The following AFAP1L1 variants were observed in gnomAD, a reference collection of about 807,000 sequenced individuals.
AFAP1L1 encodes actin filament-associated protein 1-like 1.
In AFAP1L1, 77 loss-of-function variants were observed where a neutral mutation model predicts 99.8. The ratio of observed to expected loss-of-function variants is 0.77; its 90% confidence interval spans 0.64 to 0.93. AFAP1L1 has a LOEUF of 0.93. Ranked by LOEUF, AFAP1L1 falls within the 40% of genes least tolerant of loss-of-function variation. AFAP1L1 has a pLI of 0.00. For synonymous variants in AFAP1L1, 373 were observed against 395.3 expected (o/e 0.94, Z 0.67); for missense variants, 893 against 996.8 (o/e 0.90, Z 1.40).
intron 4 of AFAP1L1, among the ~76,000 whole-genome samples, chr5:149,302,029 G>A (rs545315570): frequency 1.3e-3 from 201 of 152,334 alleles, no homozygotes; most frequent in African/African-American, 4.7e-3. Flanking sequence ...ACTCAGCTGC[G>A]GGTGGTCCTG....
At chr5:149,298,696 T>A (rs1339343039) in intron 1 of AFAP1L1, among the ~76,000 whole-genome samples, 1 of 152,182 alleles carries the variant, frequency 6.6e-6, no homozygotes, top group African/African-American at 2.4e-5. Context: ...AAGTCCCAAG[T>A]TACTTTTCAG....
chr5:149,317,581 G>C (rs1756830783), intron 11 of AFAP1L1, 148 bp from the exon 12 acceptor site: 1 of 725,008 alleles, frequency 1.4e-6, no homozygotes, highest in Admixed American at 2.9e-5. Context: ...TCAGAGAAAT[G>C]CACACCCAAG....
At position 149,282,724 on chromosome 5, in the gene AFAP1L1, G is replaced by A. The variant is rs368465909; in HGVS notation, c.16+10740G>A. Reference sequence around the variant, plus strand: ...TAGTATCTTGTCCTTTACCGAAAAGGTTGGCCAACCCCTGGATTAGGCTGT... The same window carrying A: ...TAGTATCTTGTCCTTTACCGAAAAGATTGGCCAACCCCTGGATTAGGCTGT... On this transcript the variant is annotated intron_variant, in intron 1 of 18. Coordinates refer to ENST00000296721, the MANE Select transcript of AFAP1L1 (RefSeq NM_152406.4). 3.3e-5 allele frequency among the ~76,000 whole-genome samples: 5 copies of A among 152,290 alleles called. No individual in the cohort carries two copies. The East Asian group carries it at 9.7e-4, about 29-fold the overall frequency.
At chr5:149,335,508 G>T in intron 17 of AFAP1L1, 86 bp from the exon 18 acceptor site, 1 of 1,446,110 alleles carries the variant, frequency 6.9e-7, no homozygotes, top group South Asian at 1.4e-5. Flanking sequence ...AAATAATAAA[G>T]TGTCCTCATG....
Position 149,310,099 on chromosome 5 carries a change from A to T in AFAP1L1, c.891A>T (p.Ala297=), listed in dbSNP as rs144677131. The T allele has an allele frequency of 2.4e-5, 38 of 1,612,512 alleles. No individual in the cohort carries two copies. The highest frequency in any genetic ancestry group is 2.5e-5 in the Non-Finnish European group (29 of 1,179,218). Residue 297 remains alanine, a synonymous_variant, in exon 8 of 19, where the codon GCA becomes GCT. Coordinates refer to ENST00000296721, the MANE Select transcript of AFAP1L1 (RefSeq NM_152406.4). The stretch of plus-strand genomic sequence containing the variant: ...GGGCTACCGAGGTCTTGGTGCTGGC[A>T]CTGCAGAGCCGAGAGCAGGCCGAGG... ...TQGATEVLVL[A]LQSREQAEEW... is the part of the protein sequence containing the mutation.
chr5:149,320,700 T>C lies in AFAP1L1; in HGVS notation c.1698+237T>C, dbSNP rs1219219673. 1.3e-5 allele frequency among the ~76,000 whole-genome samples: 2 copies of C among 152,182 alleles called. No homozygotes were observed. Among genetic ancestry groups the C allele is most frequent in the Non-Finnish European group, 2.9e-5 (2 of 68,042 alleles). On this transcript the variant is annotated intron_variant, in intron 14 of 18. Transcript: ENST00000296721. This position sits in a 1 kb window ranked among gnomAD's most constrained non-coding sequence, Gnocchi z 4.0. ...GGGAGGAAGAAAGGGCTGTGCAGAC[T>C]CCCAAACACTACCAAAAGGTGAGGC...
At chr5:149,319,127 C>T (rs923819566) in intron 12 of AFAP1L1, among the ~76,000 whole-genome samples, 3 of 152,172 alleles carry the variant, frequency 2.0e-5, no homozygotes, top group Admixed American at 2.0e-4. Context: ...AGCTGACTGG[C>T]AACTTCTTGG....
intron 5 of AFAP1L1, among the ~76,000 whole-genome samples, chr5:149,305,071 T>A (rs1480772842): frequency 6.6e-6 from 1 of 152,224 alleles, no homozygotes; most frequent in Non-Finnish European, 1.5e-5. Flanking sequence ...GGGGCTGATA[T>A]CTACCTCCCT....
intron 17 of AFAP1L1, among the ~76,000 whole-genome samples, chr5:149,334,798 A>G (rs1468943031): frequency 6.6e-6 from 1 of 151,794 alleles, no homozygotes. Flanking sequence ...TGTCCCAGCT[A>G]CTCCGGAGGC....
intron 9 of AFAP1L1, 54 bp from the exon 10 acceptor site, chr5:149,315,767 T>G (rs1756772708): frequency 1.3e-6 from 2 of 1,503,370 alleles, no homozygotes; most frequent in Non-Finnish European, 1.8e-6. Flanking sequence ...AAAGGGAAAT[T>G]TGGGTACTTC....
At chr5:149,300,535 T>C (rs1308723143) in intron 3 of AFAP1L1, among the ~76,000 whole-genome samples, 181 bp downstream of exon 3, 3 of 152,166 alleles carry the variant, frequency 2.0e-5, no homozygotes, top group African/African-American at 7.2e-5. Flanking sequence ...TGCATAGGAA[T>C]AGGAATTCAG....
At chr5:149,335,526 G>T in intron 17 of AFAP1L1, 68 bp from the exon 18 acceptor site, 3 of 1,538,844 alleles carry the variant, frequency 1.9e-6, no homozygotes, top group South Asian at 1.2e-5. Context: ...ATGCTTTTGA[G>T]GGCAGGCTGG....
At chr5:149,305,609 C>A (rs1158996294) in intron 5 of AFAP1L1, among the ~76,000 whole-genome samples, 8 of 152,160 alleles carry the variant, frequency 5.3e-5, no homozygotes, top group Non-Finnish European at 8.8e-5. Flanking sequence ...AGACATCCCA[C>A]TAACCCCAGC....
intron 1 of AFAP1L1, among the ~76,000 whole-genome samples, chr5:149,291,234 G>A (rs930843404): frequency 6.6e-6 from 1 of 152,072 alleles, no homozygotes; most frequent in African/African-American, 2.4e-5. Flanking sequence ...CCTGGAAGGA[G>A]GTGTCTCTGG....
intron 16 of AFAP1L1, among the ~76,000 whole-genome samples, chr5:149,332,399 A>G (rs887511513): frequency 3.3e-5 from 5 of 152,226 alleles, no homozygotes; most frequent in African/African-American, 1.2e-4. Flanking sequence ...CCGTCTCAAA[A>G]AAAAAAGACA....
chr5:149,319,526 C>T (rs1280418653), intron 12 of AFAP1L1, 56 bp from the exon 13 acceptor site: 1 of 1,547,114 alleles, frequency 6.5e-7, no homozygotes, highest in African/African-American at 1.4e-5. Flanking sequence ...GTCAACAGGT[C>T]TCCAGGAGCC....
In AFAP1L1 at chr5:149,342,210, T is replaced by C. The variant is rs577757133; in HGVS notation, c.*2180T>C. 2.2e-4 allele frequency among the ~76,000 whole-genome samples: 34 copies of C among 152,356 alleles called. No homozygotes were observed. The highest frequency in any genetic ancestry group is 8.2e-4 in the African/African-American group (34 of 41,590). ...TTTTCCTTTTGCCCTTTAAATTAGA[T>C]AGCCAGTCCTGGTGCTAACTAACCA... On this transcript the variant is annotated 3_prime_UTR_variant, in exon 19 of 19. Transcript: ENST00000296721.
chr5:149,311,853 C>G (rs1039442969), intron 8 of AFAP1L1, among the ~76,000 whole-genome samples: 1 of 152,216 alleles, frequency 6.6e-6, no homozygotes, highest in Non-Finnish European at 1.5e-5. Context: ...GGAAGTGGCT[C>G]TTCCAAGACC....
At chr5:149,303,292 T>C (rs965315225) in intron 5 of AFAP1L1, among the ~76,000 whole-genome samples, 11 of 152,220 alleles carry the variant, frequency 7.2e-5, no homozygotes, top group Non-Finnish European at 1.6e-4. Flanking sequence ...AAGTTACCAT[T>C]GAAAATCCCT....
Sources: gnomAD v4.1 joint callset for allele counts (sites outside exome capture counted in the v4.1 genomes callset) on GRCh38, gnomAD v4.1.1 for gene constraint, Gnocchi (gnomAD v3.1) non-coding constraint, MANE v1.5 for transcripts, NCBI Gene and HGNC (gene_info 2026-07-23, HGNC 2026-07-21) for gene names.